RAB2A: variants seen among roughly 807,000 people sequenced by gnomAD.
The protein encoded by RAB2A is ras-related protein Rab-2A.
RAB2A carries 7 observed loss-of-function variants against 32.5 expected under a neutral mutation model. That is an observed-to-expected ratio of 0.22 (90% CI 0.12 to 0.40). RAB2A has a LOEUF of 0.40. Ranked by LOEUF, RAB2A falls within the 10% of genes least tolerant of loss-of-function variation. The pLI is 1.00. For missense variants in RAB2A, 108 were observed against 260.7 expected, an observed-to-expected ratio of 0.41 and a Z score of 4.03; for synonymous variants, 79 against 85.2, an observed-to-expected ratio of 0.93 and a Z score of 0.40.
In RAB2A at chr8:60,605,828, A is replaced by AATATATATATATAT. The variant is rs765737905; in HGVS notation, c.475-12749_475-12748insTATATATATATATA. 1.7e-3 allele frequency among the ~76,000 whole-genome samples: 189 copies of AATATATATATATAT among 113,976 alleles called. 2 individuals carry two copies. In the South Asian group the frequency reaches 0.02, roughly 12 times the overall value. 74.8% of individuals were successfully genotyped at this position (113,976 alleles called of 152,430 possible). On this transcript the variant is annotated intron_variant, in intron 6 of 7. Transcript: ENST00000262646. ...TACAGGCTCATAGGCAAAAGGGACT[A>AATATATATATATAT]ATACATATATACATATATATATATA...
chr8:60,617,959 A>C (rs1378259239), intron 6 of RAB2A, among the ~76,000 whole-genome samples: 2 of 152,102 alleles, frequency 1.3e-5, no homozygotes, highest in Non-Finnish European at 2.9e-5. Context: ...ATTTCGTACA[A>C]ATGGAGTTGT....
chr8:60,617,849 A>C (rs888353199), intron 6 of RAB2A, among the ~76,000 whole-genome samples: 1 of 152,178 alleles, frequency 6.6e-6, no homozygotes, highest in Non-Finnish European at 1.5e-5. Flanking sequence ...CCAAAAAGAA[A>C]CCTCATACTC....
chr8:60,595,558 A>G (rs1250024492), intron 6 of RAB2A, among the ~76,000 whole-genome samples: 1 of 152,248 alleles, frequency 6.6e-6, no homozygotes, highest in East Asian at 1.9e-4. Flanking sequence ...AGGAAAAGTT[A>G]TACAAATATT....
intron 1 of RAB2A, among the ~76,000 whole-genome samples, chr8:60,520,588 C>CA (rs1463424082): frequency 6.6e-6 from 1 of 152,072 alleles, no homozygotes; most frequent in Non-Finnish European, 1.5e-5. Flanking sequence ...TCTTCCCTAT[C>CA]AAAAAAAGTT....
chr8:60,569,175 A>C (rs1808159822), intron 2 of RAB2A, among the ~76,000 whole-genome samples: 1 of 152,218 alleles, frequency 6.6e-6, no homozygotes, highest in Non-Finnish European at 1.5e-5. Context: ...GTTTTTCAGT[A>C]ATCAGCACTT....
chr8:60,608,728 C>T (rs1804286362), intron 6 of RAB2A, among the ~76,000 whole-genome samples: 1 of 152,032 alleles, frequency 6.6e-6, no homozygotes. Flanking sequence ...TTCAGCTCCA[C>T]CCTGACAGCT....
At chr8:60,531,798 ATT>A (rs11320293) in intron 1 of RAB2A, among the ~76,000 whole-genome samples, 31 of 129,704 alleles carry the variant, frequency 2.4e-4, no homozygotes, top group Admixed American at 5.5e-4. Context: ...TTCTACCTTG[ATT>A]TTTTTTTTTT....
At chr8:60,524,002 C>A (rs550345151) in intron 1 of RAB2A, among the ~76,000 whole-genome samples, 2 of 152,250 alleles carry the variant, frequency 1.3e-5, no homozygotes, top group South Asian at 2.1e-4. Context: ...TTGACTAGCT[C>A]TTTTCTGTCT....
intron 2 of RAB2A, among the ~76,000 whole-genome samples, chr8:60,568,938 G>A (rs939582034): frequency 2.0e-5 from 3 of 152,144 alleles, no homozygotes; most frequent in Non-Finnish European, 4.4e-5. Context: ...ATACATCTAA[G>A]GAAAATGATT....
At chr8:60,562,250 A>C (rs1327515203) in intron 2 of RAB2A, among the ~76,000 whole-genome samples, 4 of 152,230 alleles carry the variant, frequency 2.6e-5, no homozygotes, top group Non-Finnish European at 5.9e-5. Flanking sequence ...ATAGGCACAC[A>C]GTTTCAATAT....
chr8:60,533,677 G>C (rs1448388393), intron 1 of RAB2A, among the ~76,000 whole-genome samples: 2 of 151,910 alleles, frequency 1.3e-5, no homozygotes, highest in Non-Finnish European at 2.9e-5. Flanking sequence ...AGAAATATAA[G>C]ATACTATTGT....
intron 6 of RAB2A, among the ~76,000 whole-genome samples, chr8:60,607,514 C>T (rs1206164317): frequency 6.6e-6 from 1 of 151,584 alleles, no homozygotes. Flanking sequence ...TCGGCTCAAG[C>T]AGTTCTCCCA....
At chr8:60,582,375 T>C (rs1803775492) in intron 3 of RAB2A, among the ~76,000 whole-genome samples, 1 of 152,218 alleles carries the variant, frequency 6.6e-6, no homozygotes, top group African/African-American at 2.4e-5. Context: ...GGTCTAATTG[T>C]TATTTTCCAC....
chr8:60,574,395 TACTG>T (rs1436909543), intron 3 of RAB2A, among the ~76,000 whole-genome samples: 2 of 150,264 alleles, frequency 1.3e-5, no homozygotes, highest in Non-Finnish European at 2.9e-5. Context: ...TGGTAAATTT[TACTG>T]AATGAATGAA....
intron 6 of RAB2A, among the ~76,000 whole-genome samples, chr8:60,614,204 G>A (rs763157609): frequency 1.3e-5 from 2 of 151,426 alleles, no homozygotes; most frequent in African/African-American, 4.9e-5. Flanking sequence ...CACAATATCC[G>A]TGAGACCTGC....
chr8:60,611,438 G>A (rs1804346379), intron 6 of RAB2A, among the ~76,000 whole-genome samples: 1 of 152,128 alleles, frequency 6.6e-6, no homozygotes, highest in Non-Finnish European at 1.5e-5. Context: ...CACTTGCAGG[G>A]CTTTTCTCTC....
chr8:60,564,389 CCT>C, intron 2 of RAB2A, among the ~76,000 whole-genome samples: 1 of 152,258 alleles, frequency 6.6e-6, no homozygotes, highest in African/African-American at 2.4e-5. Context: ...ATTACTTTTT[CCT>C]TTTTTGATGG....
At chr8:60,553,594 A>G (rs1807889318) in intron 1 of RAB2A, among the ~76,000 whole-genome samples, 1 of 152,226 alleles carries the variant, frequency 6.6e-6, no homozygotes, top group Non-Finnish European at 1.5e-5. Context: ...TCCCTTTTGT[A>G]TCTATATATT....
chr8:60,577,693 G>A (rs573471216), intron 3 of RAB2A, among the ~76,000 whole-genome samples: 12 of 151,476 alleles, frequency 7.9e-5, no homozygotes, highest in African/African-American at 2.9e-4. Flanking sequence ...GCGTGATCTC[G>A]GCTCACTGCA....
Sources: allele counts gnomAD v4.1 joint callset (sites outside exome capture counted in the v4.1 genomes callset), GRCh38; gene constraint gnomAD v4.1.1; transcripts MANE v1.5; gene names NCBI Gene and HGNC (gene_info 2026-07-23, HGNC 2026-07-21).